Variants in NRXN3 observed in about 807,000 individuals in gnomAD.
The protein encoded by NRXN3 is neurexin 3, also known as neurexin III.
In NRXN3, 32 loss-of-function variants were observed where a neutral mutation model predicts 137.6. The observed-to-expected ratio is 0.23, with a 90% confidence interval of 0.18 to 0.31. The LOEUF is 0.31. NRXN3 is among the 10% of genes least tolerant of loss of function. The pLI is 1.00. For missense variants in NRXN3, 1,574 were observed against 2,062.5 expected (o/e 0.76, Z 4.59); for synonymous variants, 798 against 784.5 (o/e 1.02, Z -0.29).
At chr14:79,472,964 T>C (rs1397747489) in intron 16 of NRXN3, among the ~76,000 whole-genome samples, 1 of 152,206 alleles carries the variant, frequency 6.6e-6, no homozygotes, top group Non-Finnish European at 1.5e-5. Flanking sequence ...AGACATCCTA[T>C]TAATTTCTTT....
At chr14:79,751,218 C>A (rs944814153) in intron 19 of NRXN3, among the ~76,000 whole-genome samples, 1 of 152,104 alleles carries the variant, frequency 6.6e-6, no homozygotes, top group Non-Finnish European at 1.5e-5. Flanking sequence ...GAATGTTCTT[C>A]CATTTGTTTG....
intron 19 of NRXN3, among the ~76,000 whole-genome samples, chr14:79,734,219 C>T (rs1441708114): frequency 6.6e-6 from 1 of 152,184 alleles, no homozygotes; most frequent in Non-Finnish European, 1.5e-5. Context: ...AAAAGTAGGT[C>T]TTTCACCTGC....
chr14:79,275,741 G>GGA (rs1555349483), intron 15 of NRXN3, among the ~76,000 whole-genome samples: 7 of 150,972 alleles, frequency 4.6e-5, no homozygotes, highest in African/African-American at 1.7e-4. Flanking sequence ...TGGGGGGGGG[G>GGA]ACATTTAAAA....
chr14:78,456,791 C>T (rs796248914), intron 4 of NRXN3, among the ~76,000 whole-genome samples: 1 of 115,876 alleles, frequency 8.6e-6, no homozygotes, highest in Admixed American at 8.7e-5. Context: ...CTTTCTCTCT[C>T]TCTTTCTCTC....
intron 4 of NRXN3, among the ~76,000 whole-genome samples, chr14:78,356,950 G>A (rs904379879): frequency 3.9e-5 from 6 of 152,276 alleles, no homozygotes; most frequent in Non-Finnish European, 8.8e-5. Context: ...TCCCTATATG[G>A]CAGGGGAACA....
In NRXN3 at chr14:78,968,357, T is replaced by C; in HGVS notation, c.3142+11T>C. The C allele has an allele frequency of 6.2e-7, 1 of 1,608,850 alleles. No homozygotes were observed. Among genetic ancestry groups the C allele is most frequent in the Non-Finnish European group, 8.5e-7 (1 of 1,176,480 alleles). ...AGCGTGGCTGTGAAGGTACAACCTA[T>C]TTTTTTCTTGTTAAGCTACAGCCTT... On this transcript the variant is annotated intron_variant, in intron 14 of 20. Coordinates refer to ENST00000335750, the MANE Select transcript of NRXN3 (RefSeq NM_001330195.2).
At chr14:78,590,204 A>C (rs912294109) in intron 4 of NRXN3, among the ~76,000 whole-genome samples, 6 of 152,178 alleles carry the variant, frequency 3.9e-5, no homozygotes, top group African/African-American at 1.4e-4. Flanking sequence ...ACAAGGATTC[A>C]TGCAGGTTGG....
chr14:78,648,367 A>C (rs989655942), intron 5 of NRXN3, among the ~76,000 whole-genome samples: 1 of 152,188 alleles, frequency 6.6e-6, no homozygotes, highest in South Asian at 2.1e-4. Flanking sequence ...GGGTTTTTCT[A>C]ATCATGTTTA....
chr14:78,498,766 T>C (rs1198142977), intron 4 of NRXN3, among the ~76,000 whole-genome samples: 1 of 151,756 alleles, frequency 6.6e-6, no homozygotes, highest in Admixed American at 6.6e-5. Flanking sequence ...GGAGCTAGAA[T>C]GCCTGGGTTC....
intron 15 of NRXN3, among the ~76,000 whole-genome samples, chr14:79,239,925 C>T (rs2074007551): frequency 6.6e-6 from 1 of 152,102 alleles, no homozygotes; most frequent in Non-Finnish European, 1.5e-5. Context: ...AAGACTAAAA[C>T]AGCATAGTTT....
At chr14:79,555,945 T>A (rs2097425311) in intron 16 of NRXN3, among the ~76,000 whole-genome samples, 1 of 152,180 alleles carries the variant, frequency 6.6e-6, no homozygotes, top group Non-Finnish European at 1.5e-5. Context: ...CTGCTGTCAC[T>A]GGCTGTTTGT....
rs149213862 is a variant in NRXN3 at position 79,214,894 on chromosome 14, A to C, written c.3262+226753A>C. On this transcript the variant is annotated intron_variant, in intron 15 of 20. Transcript: ENST00000335750. ...CATTAACATTCAATCTTTCACTTAT[A>C]TGAAAAATATTTTCCTTCCTCCTCT... is the stretch of plus-strand genomic sequence containing the variant. Among the ~76,000 whole-genome samples, 72 of 152,314 alleles carry C rather than the reference A, an allele frequency of 4.7e-4. No individual in the cohort carries two copies. The East Asian group carries it at 0.013, about 28-fold the overall frequency.
rs372710172 is a variant in NRXN3 at position 79,680,245 on chromosome 14, C to T, written c.3617-11928C>T. On this transcript the variant is annotated intron_variant, in intron 17 of 20. Transcript: ENST00000335750. Reference sequence around the variant, plus strand: ...GCGCAGTGGCTCACACCTACAGATGCATGCCTATAGTCGCAGCTATTTGGG... The same window carrying T: ...GCGCAGTGGCTCACACCTACAGATGTATGCCTATAGTCGCAGCTATTTGGG... 8.9e-4 allele frequency among the ~76,000 whole-genome samples: 136 copies of T among 152,214 alleles called. 5 individuals are homozygous for T. The South Asian group carries it at 0.027, about 30-fold the overall frequency.
At chr14:78,918,305 A>AG in intron 10 of NRXN3, among the ~76,000 whole-genome samples, 1 of 147,632 alleles carries the variant, frequency 6.8e-6, no homozygotes, top group South Asian at 2.2e-4. Flanking sequence ...AAAAAAAAAA[A>AG]AAGAGAGAGA....
At chr14:79,765,512 G>T (rs1242505646) in intron 19 of NRXN3, among the ~76,000 whole-genome samples, 1 of 152,120 alleles carries the variant, frequency 6.6e-6, no homozygotes, top group East Asian at 1.9e-4. Context: ...TATCTCATTT[G>T]TGGGAACTTC....
chr14:78,197,996 CAAG>C (rs1430852054), intron 1 of NRXN3, among the ~76,000 whole-genome samples: 5 of 152,158 alleles, frequency 3.3e-5, no homozygotes, highest in Admixed American at 3.3e-4. Flanking sequence ...TGTTTTCAGT[CAAG>C]AGATAAATAT....
chr14:79,048,266 C>G (rs1300703004), intron 15 of NRXN3, among the ~76,000 whole-genome samples: 1 of 152,064 alleles, frequency 6.6e-6, no homozygotes, highest in Non-Finnish European at 1.5e-5. Flanking sequence ...TGAGTATTGG[C>G]AGGAAGGGGC....
intron 15 of NRXN3, among the ~76,000 whole-genome samples, chr14:79,381,730 A>G (rs770205919): frequency 6.6e-6 from 1 of 152,184 alleles, no homozygotes; most frequent in Non-Finnish European, 1.5e-5. Context: ...ACAAGACATA[A>G]CCTTCCAGAG....
chr14:79,098,537 C>T (rs1476700053), intron 15 of NRXN3, among the ~76,000 whole-genome samples: 1 of 152,212 alleles, frequency 6.6e-6, no homozygotes, highest in Non-Finnish European at 1.5e-5. Flanking sequence ...CACCCTACCA[C>T]ACTTTTCCTG....
Sources: gnomAD v4.1 joint callset for allele counts (sites outside exome capture counted in the v4.1 genomes callset) on GRCh38, gnomAD v4.1.1 for gene constraint, MANE v1.5 for transcripts, NCBI Gene and HGNC (gene_info 2026-07-23, HGNC 2026-07-21) for gene names.